NRG1: variants seen among roughly 807,000 people sequenced by gnomAD.
NRG1 encodes pro-neuregulin-1, membrane-bound isoform.
In NRG1, 18 loss-of-function variants were observed where a neutral mutation model predicts 63.8. The observed-to-expected ratio is 0.28, with a 90% CI of 0.19 to 0.42. The LOEUF is 0.42. Among genes scored for constraint, NRG1 ranks in the 10% least tolerant of loss-of-function variants. NRG1 has a pLI of 1.00. For synonymous variants in NRG1, 302 were observed against 301.3 expected, an observed-to-expected ratio of 1.00 and a Z score of -0.02; for missense variants, 762 against 814.7, an observed-to-expected ratio of 0.94 and a Z score of 0.79.
intron 1 of NRG1, among the ~76,000 whole-genome samples, chr8:31,680,300 C>A (rs1475685479): frequency 7.9e-6 from 1 of 126,658 alleles, no homozygotes; most frequent in African/African-American, 3.0e-5. Flanking sequence ...CCTCCCCCCA[C>A]CCCACAACAG....
intron 1 of NRG1, among the ~76,000 whole-genome samples, chr8:32,167,835 A>T (rs1041549030): frequency 1.3e-5 from 2 of 152,192 alleles, no homozygotes; most frequent in Non-Finnish European, 2.9e-5. Context: ...AGATCAAACC[A>T]CCAATGATAA....
chr8:32,754,346 TGAC>T, intron 7 of NRG1, 23 bp from the exon 8 acceptor site: 1 of 1,606,964 alleles, frequency 6.2e-7, no homozygotes, highest in Non-Finnish European at 8.5e-7. Context: ...TGACCTGTGA[TGAC>T]ATCTGCTCTC....
At chr8:32,069,027 C>G (rs1471865549) in intron 1 of NRG1, among the ~76,000 whole-genome samples, 1 of 152,216 alleles carries the variant, frequency 6.6e-6, no homozygotes, top group Admixed American at 6.5e-5. Context: ...GGAATGGTAT[C>G]AGGAAGTTTT....
intron 1 of NRG1, among the ~76,000 whole-genome samples, chr8:32,098,482 C>T (rs1366500997): frequency 1.3e-5 from 2 of 152,186 alleles, no homozygotes; most frequent in Non-Finnish European, 2.9e-5. Flanking sequence ...GTGTTAAGCT[C>T]ATCAGGTTTA....
intron 1 of NRG1, among the ~76,000 whole-genome samples, chr8:32,069,912 C>G (rs367634888): frequency 3.1e-4 from 47 of 152,254 alleles, no homozygotes; most frequent in African/African-American, 1.0e-3. Flanking sequence ...GCCCACACAT[C>G]TTTCTCAACA....
In NRG1 at chr8:32,494,977, C is replaced by T. The variant is rs75682301; in HGVS notation, c.38-100851C>T. 2.9e-3 allele frequency among the ~76,000 whole-genome samples: 442 copies of T among 152,218 alleles called. 14 individuals are homozygous for T. In the East Asian group the frequency reaches 0.083, roughly 29 times the overall value. ...TAAATATTCTTTACAAGTTGTGTAA[C>T]AAAGACAAAGAAAACTACAAAAAAA... is the stretch of plus-strand genomic sequence containing the variant. On this transcript the variant is annotated intron_variant, in intron 1 of 10. Transcript: ENST00000519301.
chr8:31,856,085 T>A (rs1405187947), intron 1 of NRG1, among the ~76,000 whole-genome samples: 1 of 151,660 alleles, frequency 6.6e-6, no homozygotes, highest in African/African-American at 2.4e-5. Flanking sequence ...CTGACAATTA[T>A]GTGTCTTGGA....
intron 1 of NRG1, among the ~76,000 whole-genome samples, chr8:32,202,749 C>T (rs572759780): frequency 6.6e-6 from 1 of 151,458 alleles, no homozygotes; most frequent in Non-Finnish European, 1.5e-5. Flanking sequence ...AGCTAAACTC[C>T]TCTTGACCTT....
At chr8:31,998,964 G>A (rs1360528588) in intron 1 of NRG1, among the ~76,000 whole-genome samples, 1 of 151,914 alleles carries the variant, frequency 6.6e-6, no homozygotes, top group East Asian at 1.9e-4. Flanking sequence ...TCCTTTGAGA[G>A]GATTTTTGGT....
chr8:32,696,344 C>T (rs1303926235), intron 5 of NRG1, among the ~76,000 whole-genome samples: 8 of 152,188 alleles, frequency 5.3e-5, no homozygotes, highest in Middle Eastern at 6.8e-3. Context: ...ATTTCCTTTT[C>T]TTTAGTGAAA....
intron 1 of NRG1, among the ~76,000 whole-genome samples, chr8:31,977,617 T>A (rs1325620995): frequency 6.6e-6 from 1 of 152,020 alleles, no homozygotes; most frequent in Non-Finnish European, 1.5e-5. Flanking sequence ...AGCAAACCAA[T>A]TATAGGTGAA....
rs561911520 is a variant in NRG1, at chr8:32,232,857, T to C, written c.38-362971T>C. Among the ~76,000 whole-genome samples the C allele has an allele frequency of 7.9e-5, 12 of 152,290 alleles. No homozygotes were observed. In the East Asian group the frequency reaches 2.1e-3, roughly 27 times the overall value. ...CTTTTTTCCCCAAAAAGCTGGATTC[T>C]CCTGTAAAACTGTTATCTATTCTCT... On this transcript the variant is annotated intron_variant, in intron 1 of 10. Transcript: ENST00000519301.
chr8:31,776,561 T>C (rs1337561401), intron 1 of NRG1, among the ~76,000 whole-genome samples: 1 of 152,184 alleles, frequency 6.6e-6, no homozygotes, highest in African/African-American at 2.4e-5. Context: ...TATTATACTT[T>C]AAGTTTTAGG....
At chr8:31,920,041 C>T (rs1833771182) in intron 1 of NRG1, among the ~76,000 whole-genome samples, 1 of 152,110 alleles carries the variant, frequency 6.6e-6, no homozygotes, top group African/African-American at 2.4e-5. Flanking sequence ...TTGTTATATA[C>T]ACAGGCCTAG....
At chr8:31,699,935 G>T (rs536817127) in intron 1 of NRG1, among the ~76,000 whole-genome samples, 2 of 152,188 alleles carry the variant, frequency 1.3e-5, no homozygotes, top group Non-Finnish European at 2.9e-5. Context: ...AGTTCTGGAA[G>T]GTTTATTTGG....
intron 1 of NRG1, among the ~76,000 whole-genome samples, chr8:32,053,583 G>A (rs1822346847): frequency 6.6e-6 from 1 of 152,142 alleles, no homozygotes. Context: ...GATGTGTTTA[G>A]TTATCAAACA....
intron 1 of NRG1, among the ~76,000 whole-genome samples, chr8:32,479,456 G>A (rs771817709): frequency 2.6e-5 from 4 of 151,954 alleles, no homozygotes; most frequent in Non-Finnish European, 5.9e-5. Context: ...TAGCCTGGGC[G>A]ACAGAATGAG....
chr8:31,743,376 GT>G (rs1815497635), intron 1 of NRG1, among the ~76,000 whole-genome samples: 1 of 151,934 alleles, frequency 6.6e-6, no homozygotes, highest in Non-Finnish European at 1.5e-5. Flanking sequence ...ATGAGTTCAA[GT>G]TTGTACTATT....
intron 1 of NRG1, among the ~76,000 whole-genome samples, chr8:31,681,972 A>G (rs898356366): frequency 5.9e-5 from 9 of 152,128 alleles, no homozygotes; most frequent in Non-Finnish European, 8.8e-5. Flanking sequence ...CCCAAAGTCC[A>G]TAGTTTACAT....
Sources: gnomAD v4.1 joint callset for allele counts (sites outside exome capture counted in the v4.1 genomes callset) on GRCh38, gnomAD v4.1.1 for gene constraint, MANE v1.5 for transcripts, NCBI Gene and HGNC (gene_info 2026-07-23, HGNC 2026-07-21) for gene names.